ATP8B4: variants seen among roughly 807,000 people sequenced by gnomAD.
ATP8B4 encodes ATPase phospholipid transporting 8B4 (putative).
A neutral mutation model predicts 145.6 loss-of-function variants in ATP8B4; 133 were observed. The ratio of observed to expected loss-of-function variants is 0.91; its 90% CI spans 0.79 to 1.05. The LOEUF (loss-of-function observed/expected upper bound fraction) is 1.05. ATP8B4 is among the 50% of genes least tolerant of loss of function. ATP8B4 has a pLI of 0.00. For synonymous variants in ATP8B4, 507 were observed against 492.9 expected, an observed-to-expected ratio of 1.03 and a Z score of -0.38; for missense variants, 1,458 against 1,425.2, an observed-to-expected ratio of 1.02 and a Z score of -0.37.
chr15:50,120,068 G>A (rs1371965131), upstream of ATP8B4, among the ~76,000 whole-genome samples: 1 of 152,036 alleles, frequency 6.6e-6, no homozygotes, highest in East Asian at 1.9e-4. Context: ...TTTTAAATAT[G>A]CCTAAAGCCA....
At position 50,029,255 on chromosome 15, in the gene ATP8B4, A is replaced by AAAAAAAAAAAAAAAAAAAAAC. The variant is rs776952913; in HGVS notation, c.362+9512_362+9513insGTTTTTTTTTTTTTTTTTTTT. 1.6e-4 allele frequency among the ~76,000 whole-genome samples: 22 copies of AAAAAAAAAAAAAAAAAAAAAC among 141,264 alleles called. 1 individual carries two copies. The highest frequency in any genetic ancestry group is 2.7e-4 in the Non-Finnish European group (17 of 62,246). 92.7% of individuals were successfully genotyped at this position (141,264 alleles called of 152,430 possible). On this transcript the variant is annotated intron_variant, in intron 6 of 27. Transcript: ENST00000284509. ...CTCCATCTTAAAAAAAAAAAAAAAA[A>AAAAAAAAAAAAAAAAAAAAAC]AACAGAAAAATACAGCAGAATTTTA...
At chr15:50,118,731 C>G (rs1031410785) in intron 1 of ATP8B4, among the ~76,000 whole-genome samples, 18 of 151,992 alleles carry the variant, frequency 1.2e-4, no homozygotes, top group Non-Finnish European at 2.1e-4. Context: ...TGACCATAAA[C>G]AATATATTGA....
intron 1 of ATP8B4, among the ~76,000 whole-genome samples, chr15:50,164,114 G>A (rs555135550): frequency 9.2e-5 from 14 of 152,222 alleles, no homozygotes; most frequent in East Asian, 7.7e-4. Context: ...CCTGCTTGGC[G>A]CTCTATCCCC....
At chr15:49,973,851 G>A (rs1370072893) in intron 12 of ATP8B4, among the ~76,000 whole-genome samples, 1 of 152,008 alleles carries the variant, frequency 6.6e-6, no homozygotes, top group Non-Finnish European at 1.5e-5. Context: ...AAATTCAAAA[G>A]GTATGTCACC....
intron 23 of ATP8B4, 25 bp downstream of exon 23, chr15:49,897,264 AAAC>A: frequency 6.4e-7 from 1 of 1,555,842 alleles, no homozygotes. Context: ...ACAAACAAAC[AAAC>A]AAAAAAAAAC....
intron 15 of ATP8B4, among the ~76,000 whole-genome samples, chr15:49,931,855 A>G (rs2041288511): frequency 1.3e-5 from 2 of 151,954 alleles, no homozygotes; most frequent in Non-Finnish European, 2.9e-5. Context: ...ATGAGAATGC[A>G]TACAAGAAAT....
intron 1 of ATP8B4, among the ~76,000 whole-genome samples, chr15:50,157,124 T>A (rs1224648687): frequency 6.6e-6 from 1 of 152,034 alleles, no homozygotes; most frequent in East Asian, 1.9e-4. Flanking sequence ...AGAAAAGACA[T>A]ACCCACAGAT....
upstream of ATP8B4, among the ~76,000 whole-genome samples, chr15:50,120,729 G>A (rs2057260645): frequency 6.6e-6 from 1 of 152,062 alleles, no homozygotes; most frequent in African/African-American, 2.4e-5. Context: ...CCTAAAAATG[G>A]CTTACATATA....
chr15:49,860,724 C>T (rs1485916222), intron 27 of ATP8B4, among the ~76,000 whole-genome samples: 1 of 152,136 alleles, frequency 6.6e-6, no homozygotes, highest in Non-Finnish European at 1.5e-5. Flanking sequence ...ATTATTGTCT[C>T]TCATGTATCT....
At chr15:50,089,750 T>C (rs895633825) in intron 2 of ATP8B4, among the ~76,000 whole-genome samples, 1 of 152,006 alleles carries the variant, frequency 6.6e-6, no homozygotes, top group African/African-American at 2.4e-5. Flanking sequence ...AGGAATGTTT[T>C]TACACTGTTG....
intron 13 of ATP8B4, among the ~76,000 whole-genome samples, chr15:49,966,258 C>G (rs1599486275): frequency 6.6e-6 from 1 of 152,134 alleles, no homozygotes; most frequent in Admixed American, 6.5e-5. Context: ...ACCTGGAATG[C>G]CAGTGAGACA....
chr15:49,977,073 A>G (rs2045731100), intron 12 of ATP8B4, among the ~76,000 whole-genome samples: 1 of 152,154 alleles, frequency 6.6e-6, no homozygotes, highest in Non-Finnish European at 1.5e-5. Context: ...CTGACAACAT[A>G]GAAATATCCT....
At chr15:50,151,966 C>T (rs935033093) in intron 1 of ATP8B4, among the ~76,000 whole-genome samples, 1 of 151,986 alleles carries the variant, frequency 6.6e-6, no homozygotes, top group African/African-American at 2.4e-5. Context: ...GAAAACAAAA[C>T]ACTTGAAGAA....
intron 14 of ATP8B4, among the ~76,000 whole-genome samples, chr15:49,934,605 C>A (rs2041578683): frequency 6.6e-6 from 1 of 152,052 alleles, no homozygotes; most frequent in African/African-American, 2.4e-5. Context: ...CTACCTAATA[C>A]TTGTGAATTA....
intron 9 of ATP8B4, among the ~76,000 whole-genome samples, chr15:49,993,995 C>A (rs921166754): frequency 6.6e-6 from 1 of 152,028 alleles, no homozygotes; most frequent in Non-Finnish European, 1.5e-5. Flanking sequence ...TATTAACACA[C>A]CTTAAAAGTA....
intron 1 of ATP8B4, among the ~76,000 whole-genome samples, chr15:50,131,877 C>T (rs563117073): frequency 3.0e-4 from 45 of 151,330 alleles, no homozygotes; most frequent in Admixed American, 9.2e-4. Context: ...TATAAAATCA[C>T]GCAGCTACTG....
chr15:49,919,674 C>T (rs1007153921), intron 18 of ATP8B4, among the ~76,000 whole-genome samples: 9 of 152,158 alleles, frequency 5.9e-5, no homozygotes, highest in African/African-American at 2.2e-4. Flanking sequence ...ACCTCGGCCT[C>T]CTGAAGTGCT....
At chr15:50,006,300 C>T (rs182483382) in intron 7 of ATP8B4, among the ~76,000 whole-genome samples, 81 of 150,330 alleles carry the variant, frequency 5.4e-4, no homozygotes, top group Non-Finnish European at 8.7e-4. Context: ...AAAAAAAAAT[C>T]CTTGCCTGAA....
intron 16 of ATP8B4, among the ~76,000 whole-genome samples, chr15:49,930,768 T>C (rs549699556): frequency 1.6e-4 from 24 of 152,232 alleles, no homozygotes; most frequent in South Asian, 1.4e-3. Flanking sequence ...TGTTAATGGG[T>C]ATAAATATAA....
Sources: gnomAD v4.1 joint callset for allele counts (sites outside exome capture counted in the v4.1 genomes callset) on GRCh38, gnomAD v4.1.1 for gene constraint, MANE v1.5 for transcripts, NCBI Gene and HGNC (gene_info 2026-07-23, HGNC 2026-07-21) for gene names.